Variants in ABCC8 observed in about 807,000 individuals in gnomAD.
The protein encoded by ABCC8 is ATP binding cassette subfamily C member 8.
Under a neutral mutation model 188.0 loss-of-function variants are expected in ABCC8, and 137 were observed. The observed-to-expected ratio is 0.73, with a 90% CI of 0.63 to 0.84. The LOEUF (loss-of-function observed/expected upper bound fraction) is 0.84. Among genes scored for constraint, ABCC8 ranks in the 40% least tolerant of loss-of-function variants. The pLI, the probability that ABCC8 is intolerant of heterozygous loss-of-function variation, is 0.00. For missense variants in ABCC8, 1,750 were observed against 2,072.7 expected (o/e 0.84, Z 3.02); for synonymous variants, 797 against 846.5 (o/e 0.94, Z 1.01).
At chr11:17,471,193 G>A (rs893011425) in intron 2 of ABCC8, among the ~76,000 whole-genome samples, 1 of 152,234 alleles carries the variant, frequency 6.6e-6, no homozygotes, top group Admixed American at 6.5e-5. Flanking sequence ...TTGAGAAGCT[G>A]ATGGTATGGA....
chr11:17,474,751 G>C, intron 2 of ABCC8, 135 bp downstream of exon 2: 3 of 991,402 alleles, frequency 3.0e-6, no homozygotes, highest in South Asian at 1.4e-5. Flanking sequence ...TTGGCACATA[G>C]AAGACACTGA....
At chr11:17,409,373 C>T (rs1954701375) in intron 22 of ABCC8, among the ~76,000 whole-genome samples, 1 of 152,282 alleles carries the variant, frequency 6.6e-6, no homozygotes, top group East Asian at 1.9e-4. Context: ...GTTCAAGGGG[C>T]TCGAGAGTCC....
At position 17,442,832 on chromosome 11, in the gene ABCC8, G is replaced by T; in HGVS notation, c.1518C>A (p.Ile506=). 6.2e-7 allele frequency: 1 copy of T among 1,614,098 alleles called. No individual in the cohort carries two copies. Among genetic ancestry groups the T allele is most frequent in the Non-Finnish European group, 8.5e-7 (1 of 1,180,034 alleles). ...CCCAGGCGTACAGCTTCAGCAGCTT[G>T]ATGCCGCGGAGCATCTCGTTGGTCT... ...LKQTNEMLRG[I]KLLKLYAWEN... The change falls in exon 10 of 39, where the codon ATC becomes ATA. Residue 506 remains isoleucine, a synonymous_variant. Transcript: ENST00000389817.
chr11:17,412,360 A>T (rs1193284646), intron 21 of ABCC8, among the ~76,000 whole-genome samples: 1 of 152,236 alleles, frequency 6.6e-6, no homozygotes, highest in East Asian at 1.9e-4. Flanking sequence ...AGCCATTCTT[A>T]TAGTCGGGCT....
intron 10 of ABCC8, among the ~76,000 whole-genome samples, chr11:17,440,272 C>T (rs916962952): frequency 5.9e-5 from 9 of 152,150 alleles, no homozygotes; most frequent in Admixed American, 5.9e-4. Context: ...AGCCCTCTCC[C>T]ACCTCGGCAG....
chr11:17,395,465 C>G, intron 35 of ABCC8, 145 bp downstream of exon 35: 1 of 1,467,128 alleles, frequency 6.8e-7, no homozygotes, highest in East Asian at 2.5e-5. Flanking sequence ...CAGAGGCTGC[C>G]TGGGCCTGAT....
chr11:17,461,955 G>A (rs1591890778), intron 4 of ABCC8, 130 bp from the exon 5 acceptor site: 2 of 1,456,648 alleles, frequency 1.4e-6, no homozygotes, highest in Admixed American at 4.8e-5. Context: ...TCTTTCGCCT[G>A]TAATTATTAC....
intron 7 of ABCC8, among the ~76,000 whole-genome samples, chr11:17,450,455 T>C (rs12786125): frequency 0.44 from 54,549 of 124,322 alleles, 14,583 homozygotes; most frequent in African/African-American, 0.69. Context: ...AGTGCGGTGG[T>C]GCCATCTCGG....
intron 16 of ABCC8, among the ~76,000 whole-genome samples, chr11:17,420,551 C>T (rs535922435): frequency 9.2e-5 from 14 of 152,206 alleles, no homozygotes; most frequent in East Asian, 3.9e-4. Context: ...CAGGCAGATG[C>T]GACCAGGGCC....
At chr11:17,439,264 G>T (rs1336782015) in intron 10 of ABCC8, among the ~76,000 whole-genome samples, 2 of 152,036 alleles carry the variant, frequency 1.3e-5, no homozygotes, top group Non-Finnish European at 2.9e-5. Context: ...GTACCAGTTC[G>T]GGACTCCATA....
Position 17,474,544 on chromosome 11 carries a change from AT to A in ABCC8, c.290+341del, listed in dbSNP as rs34427289. 5.1e-4 allele frequency among the ~76,000 whole-genome samples: 76 copies of A among 148,184 alleles called. 1 individual carries two copies. The highest frequency in any genetic ancestry group is 1.2e-3 in the African/African-American group (50 of 40,384). ...ATGCAAGAGTGGGTGGCATGGTTAG[AT>A]TTTTTTTTTTTTCCAAGAAGGTAAC... is the stretch of plus-strand genomic sequence containing the variant. On this transcript the variant is annotated intron_variant, in intron 2 of 38. Coordinates refer to ENST00000389817, the MANE Select transcript of ABCC8 (RefSeq NM_000352.6).
intron 24 of ABCC8, 89 bp downstream of exon 24, chr11:17,407,265 T>A (rs1218316917): frequency 8.1e-6 from 13 of 1,611,302 alleles, no homozygotes; most frequent in Non-Finnish European, 1.1e-5. Flanking sequence ...GGCACACTAC[T>A]GCACCACACC....
chr11:17,445,620 C>A (rs1402529762), intron 8 of ABCC8, among the ~76,000 whole-genome samples: 2 of 152,250 alleles, frequency 1.3e-5, no homozygotes. Flanking sequence ...GAATCCTAAC[C>A]ACATGAGTTT....
At chr11:17,445,614 C>G (rs889531364) in intron 8 of ABCC8, among the ~76,000 whole-genome samples, 1 of 152,248 alleles carries the variant, frequency 6.6e-6, no homozygotes, top group African/African-American at 2.4e-5. Context: ...CACACAGAAT[C>G]CTAACCACAT....
At position 17,415,320 on chromosome 11, in the gene ABCC8, T is replaced by A; in HGVS notation, c.2275A>T (p.Thr759Ser). Residue 759 changes from threonine (T) to serine (S), a missense_variant, in exon 18 of 39, where the codon ACC (threonine) becomes TCC (serine). Physicochemically the swap from Thr to Ser is moderately conservative, Grantham distance 58. Coordinates refer to ENST00000389817, the MANE Select transcript of ABCC8 (RefSeq NM_000352.6). Reference protein sequence around the residue: ...EDPSPERETATDLDIRKRGPV... With the variant: ...EDPSPERETASDLDIRKRGPV... ...ACGCAGTACCTGATATCCAAGTCGGTCGCTGTCTCCCGCTCTGGGCTGCAG... is the reference window on the plus strand; with the variant it reads ...ACGCAGTACCTGATATCCAAGTCGGACGCTGTCTCCCGCTCTGGGCTGCAG... 6.2e-7 allele frequency: 1 copy of A among 1,610,566 alleles called. No individual in the cohort carries two copies. The highest frequency in any genetic ancestry group is 8.5e-7 in the Non-Finnish European group (1 of 1,179,014).
At position 17,408,386 on chromosome 11, in the gene ABCC8, AC is replaced by A; in HGVS notation, c.2820+5del. 1 of 1,612,918 alleles carries A rather than the reference AC, an allele frequency of 6.2e-7. No individual in the cohort carries two copies. Among genetic ancestry groups the A allele is most frequent in the Non-Finnish European group, 8.5e-7 (1 of 1,179,874 alleles). The stretch of plus-strand genomic sequence containing the variant: ...TGGCTGCTTGGCCATCCCTGGATAT[AC>A]CCACCTTCTCCAGCTCTTGGTCCTG... On this transcript the variant is annotated splice_donor_5th_base_variant and intron_variant, in intron 23 of 38. Coordinates refer to ENST00000389817, the MANE Select transcript of ABCC8 (RefSeq NM_000352.6).
At position 17,412,564 on chromosome 11, in the gene ABCC8, A is replaced by C. The variant is rs533950645; in HGVS notation, c.2556+102T>G. Reference sequence around the variant, plus strand: ...TGGCAGGAGGGATTTACTCCTGGAGAGGGAGATTGTTGGATGATGGTGGGG... The same window carrying C: ...TGGCAGGAGGGATTTACTCCTGGAGCGGGAGATTGTTGGATGATGGTGGGG... On this transcript the variant is annotated intron_variant, in intron 21 of 38. Transcript: ENST00000389817. 7.6e-6 allele frequency: 11 copies of C among 1,448,752 alleles called. No homozygotes were observed. The African/African-American group carries it at 1.4e-4, about 19-fold the overall frequency. 89.7% of individuals were successfully genotyped at this position (1,448,752 alleles called of 1,614,324 possible).
At chr11:17,429,143 C>T (rs542846634) in intron 12 of ABCC8, 8 of 177,094 alleles carry the variant, frequency 4.5e-5, no homozygotes, top group South Asian at 4.1e-4. Flanking sequence ...ACGGGGGAGG[C>T]GGCTATTCCT....
At chr11:17,450,080 A>C (rs1371407892) in intron 7 of ABCC8, among the ~76,000 whole-genome samples, 4 of 152,242 alleles carry the variant, frequency 2.6e-5, no homozygotes, top group Non-Finnish European at 5.9e-5. Flanking sequence ...ACAGCTAGTA[A>C]TTATGTATAA....
Sources: allele counts gnomAD v4.1 joint callset (sites outside exome capture counted in the v4.1 genomes callset), GRCh38; gene constraint gnomAD v4.1.1; transcripts MANE v1.5; gene names NCBI Gene and HGNC (gene_info 2026-07-23, HGNC 2026-07-21).